The following SLC31A1 variants were observed in gnomAD, a reference collection of about 807,000 sequenced individuals.
SLC31A1 encodes the protein high affinity copper uptake protein 1.
A neutral mutation model predicts 17.2 loss-of-function variants in SLC31A1; 5 were observed. The ratio of observed to expected loss-of-function variants is 0.29; its 90% CI spans 0.15 to 0.61. The LOEUF (loss-of-function observed/expected upper bound fraction) is 0.61, where lower values mean the gene tolerates loss of function less well. Ranked by LOEUF, SLC31A1 falls within the 20% of genes least tolerant of loss-of-function variation. SLC31A1 has a pLI of 0.86. For missense variants in SLC31A1, 161 were observed against 241.4 expected (o/e 0.67, Z 2.21); for synonymous variants, 76 against 78.8 (o/e 0.96, Z 0.19).
chr9:113,248,374 A>G (rs1330948117), intron 1 of SLC31A1, among the ~76,000 whole-genome samples: 1 of 150,698 alleles, frequency 6.6e-6, no homozygotes, highest in African/African-American at 2.4e-5. Flanking sequence ...TAGAAGGAAG[A>G]GCTCTTATGA....
At chr9:113,256,089 T>A in intron 1 of SLC31A1, 25 bp from the exon 2 acceptor site, 1 of 1,484,062 alleles carries the variant, frequency 6.7e-7, no homozygotes, top group Non-Finnish European at 9.3e-7. Flanking sequence ...CTTAAATTAT[T>A]ATATATAATT....
At position 113,221,627 on chromosome 9, in the gene SLC31A1, C is replaced by G. The variant is rs906841793; in HGVS notation, c.-87C>G. 8.2e-6 allele frequency: 3 copies of G among 365,950 alleles called. No homozygotes were observed. Among genetic ancestry groups the G allele is most frequent in the Non-Finnish European group, 1.6e-5 (3 of 189,488 alleles). 22.7% of individuals were successfully genotyped at this position (365,950 alleles called of 1,614,324 possible). ...CGTTCGAAGAGTCGTGAGGGGGTGA[C>G]GGGTTAAGATTCGGAGAGAGAGGTG... On this transcript the variant is annotated 5_prime_UTR_variant, in exon 1 of 5. Transcript: ENST00000374212.
At chr9:113,256,657 C>A in intron 2 of SLC31A1, 1 of 265,244 alleles carries the variant, frequency 3.8e-6, no homozygotes, top group Admixed American at 5.0e-5. Context: ...GTCAGGAGAT[C>A]GAGACCATCC....
chr9:113,260,595 A>G lies in SLC31A1; in HGVS notation c.*122A>G, dbSNP rs1831782096. 1 of 735,636 alleles carries G rather than the reference A, an allele frequency of 1.4e-6. No individual in the cohort carries two copies. The allele number at this position is 735,636 out of a possible 1,614,324, so 45.6% of individuals were successfully genotyped here. A position where few individuals can be genotyped will look rare whatever the true frequency, so the allele number is the denominator to read the frequency against. ...TTTGTGCACGTACACACACACACAC[A>G]CACACACACACACACACCCCTGCTC... On this transcript the variant is annotated 3_prime_UTR_variant, in exon 5 of 5. Transcript: ENST00000374212.
At chr9:113,242,474 C>T in intron 1 of SLC31A1, among the ~76,000 whole-genome samples, 1 of 152,154 alleles carries the variant, frequency 6.6e-6, no homozygotes. Flanking sequence ...GATCATGGCA[C>T]ACTGCAGCTT....
intron 1 of SLC31A1, among the ~76,000 whole-genome samples, chr9:113,249,101 A>T (rs1326838140): frequency 6.7e-6 from 1 of 148,612 alleles, no homozygotes; most frequent in Non-Finnish European, 1.5e-5. Context: ...CAGGACATAC[A>T]ATCAGATCAC....
intron 1 of SLC31A1, among the ~76,000 whole-genome samples, chr9:113,232,905 A>G (rs547673444): frequency 2.6e-5 from 4 of 152,280 alleles, no homozygotes; most frequent in Non-Finnish European, 4.4e-5. Context: ...TTGGTGGACA[A>G]ATCAAGGATT....
At chr9:113,245,480 A>G (rs1334796618) in intron 1 of SLC31A1, among the ~76,000 whole-genome samples, 1 of 152,164 alleles carries the variant, frequency 6.6e-6, no homozygotes, top group African/African-American at 2.4e-5. Context: ...GAATAGGAAT[A>G]TGAAGCCAGC....
At chr9:113,240,912 T>G (rs1831514459) in intron 1 of SLC31A1, among the ~76,000 whole-genome samples, 2 of 151,862 alleles carry the variant, frequency 1.3e-5, no homozygotes, top group African/African-American at 2.4e-5. Flanking sequence ...TAGCTGGGTG[T>G]GGTGGCGCTT....
chr9:113,236,314 G>A (rs2118991655), intron 1 of SLC31A1, among the ~76,000 whole-genome samples: 1 of 151,794 alleles, frequency 6.6e-6, no homozygotes, highest in South Asian at 2.1e-4. Context: ...ATTTCGACAA[G>A]TCAAGTGTGC....
intron 1 of SLC31A1, among the ~76,000 whole-genome samples, chr9:113,247,279 G>T (rs111494531): frequency 0.011 from 1,716 of 152,190 alleles, 35 homozygotes; most frequent in African/African-American, 0.039. Context: ...TAAGAAAAAA[G>T]ACTTTCTTCC....
chr9:113,225,164 A>G (rs563319887), intron 1 of SLC31A1, among the ~76,000 whole-genome samples: 85 of 152,380 alleles, frequency 5.6e-4, no homozygotes, highest in African/African-American at 1.9e-3. Flanking sequence ...GGGGAACCAG[A>G]AGTGTTGTTC....
rs950556603 is a variant in SLC31A1 at position 113,258,861 on chromosome 9, G to A, written c.370G>A (p.Gly124Arg). The change falls in exon 4 of 5, where the codon GGG becomes AGG. Residue 124 changes from glycine (G) to arginine (R), a missense_variant and splice_region_variant. Transcript: ENST00000374212. This position sits in a 1 kb window ranked among gnomAD's most constrained non-coding sequence, Gnocchi z 4.8. Reference sequence around the variant, plus strand: ...CCTTATGGAGACACACAAAACTGTTGGGTAAGAACTGAACAGATCCAGATG... The same window carrying A: ...CCTTATGGAGACACACAAAACTGTTAGGTAAGAACTGAACAGATCCAGATG... ...TILMETHKTV[G>R]QQMLSFPHLL... The A allele has an allele frequency of 1.7e-5, 27 of 1,614,046 alleles. No homozygotes were observed. The highest frequency in any genetic ancestry group is 2.3e-5 in the Non-Finnish European group (27 of 1,180,012).
intron 1 of SLC31A1, among the ~76,000 whole-genome samples, chr9:113,228,599 TA>T (rs1831367439): frequency 6.6e-6 from 1 of 152,166 alleles, no homozygotes; most frequent in Admixed American, 6.5e-5. Flanking sequence ...GCAAGAGAAA[TA>T]GGAGCTTCTA....
At chr9:113,257,800 C>G (rs1181836864) in intron 3 of SLC31A1, among the ~76,000 whole-genome samples, 3 of 152,104 alleles carry the variant, frequency 2.0e-5, no homozygotes, top group Non-Finnish European at 2.9e-5. Flanking sequence ...AGAGTGTTTA[C>G]TTATTTGATA....
intron 1 of SLC31A1, among the ~76,000 whole-genome samples, chr9:113,245,320 T>C (rs1831564754): frequency 6.6e-6 from 1 of 152,116 alleles, no homozygotes; most frequent in Non-Finnish European, 1.5e-5. Context: ...ACTCCTGACC[T>C]CAAGTGATCT....
Position 113,260,383 on chromosome 9 carries a change from C to T in SLC31A1, c.483C>T (p.Cys161=). Residue 161 remains cysteine, a synonymous_variant, in exon 5 of 5, where the codon TGC becomes TGT. Transcript: ENST00000374212. Reference sequence around the variant, plus strand: ...TCATGACCTACAACGGGTACCTCTGCATTGCAGTAGCAGCAGGGGCCGGTA... The same window carrying T: ...TCATGACCTACAACGGGTACCTCTGTATTGCAGTAGCAGCAGGGGCCGGTA... ...LIFMTYNGYL[C]IAVAAGAGTG... 2 of 1,614,208 alleles carry T rather than the reference C, an allele frequency of 1.2e-6. No homozygotes were observed. Among genetic ancestry groups the T allele is most frequent in the Non-Finnish European group, 1.7e-6 (2 of 1,180,022 alleles).
At chr9:113,227,076 G>A (rs566267666) in intron 1 of SLC31A1, among the ~76,000 whole-genome samples, 2 of 151,932 alleles carry the variant, frequency 1.3e-5, no homozygotes, top group African/African-American at 4.8e-5. Context: ...ACCTTCATTC[G>A]ATAGGTATGC....
chr9:113,256,895 G>C (rs1831734942), intron 2 of SLC31A1, among the ~76,000 whole-genome samples: 1 of 151,806 alleles, frequency 6.6e-6, no homozygotes, highest in South Asian at 2.1e-4. Context: ...AGTTGATGGT[G>C]GGGGCCCAGG....
Sources: gnomAD v4.1 joint callset for allele counts (sites outside exome capture counted in the v4.1 genomes callset) on GRCh38, gnomAD v4.1.1 for gene constraint, Gnocchi (gnomAD v3.1) non-coding constraint, MANE v1.5 for transcripts, NCBI Gene and HGNC (gene_info 2026-07-23, HGNC 2026-07-21) for gene names.